The following SUMF1 variants were observed in gnomAD, a reference collection of about 807,000 sequenced individuals.
SUMF1 encodes sulfatase modifying factor 1, also known as formylglycine-generating enzyme.
A neutral mutation model predicts 47.6 loss-of-function variants in SUMF1; 48 were observed. The observed-to-expected ratio is 1.01, with a 90% CI of 0.80 to 1.28. The LOEUF (loss-of-function observed/expected upper bound fraction) is 1.28. SUMF1 is among the 50% of genes most tolerant of loss of function. SUMF1 has a pLI of 0.00. For missense variants in SUMF1, 571 were observed against 485.4 expected, an observed-to-expected ratio of 1.18 and a Z score of -1.66; for synonymous variants, 230 against 192.1, an observed-to-expected ratio of 1.20 and a Z score of -1.63.
chr3:4,257,277 A>C (rs1696976508), intron 8 of SUMF1, among the ~76,000 whole-genome samples: 2 of 135,166 alleles, frequency 1.5e-5, no homozygotes, highest in Non-Finnish European at 3.1e-5. Context: ...TAGGCAGGAG[A>C]AGGAAATAAA....
chr3:4,352,851 G>T (rs552359422), intron 8 of SUMF1, among the ~76,000 whole-genome samples: 1 of 152,154 alleles, frequency 6.6e-6, no homozygotes, highest in Non-Finnish European at 1.5e-5. Flanking sequence ...AAACAGGAAG[G>T]AAGTGCTTCT....
At chr3:4,142,233 AG>A (rs1694087504) in intron 8 of SUMF1, among the ~76,000 whole-genome samples, 1 of 151,592 alleles carries the variant, frequency 6.6e-6, no homozygotes, top group African/African-American at 2.4e-5. Context: ...TCACTGTTAA[AG>A]AAAAAAAAAT....
intron 8 of SUMF1, among the ~76,000 whole-genome samples, chr3:4,302,719 A>G (rs1698000415): frequency 6.6e-6 from 1 of 152,136 alleles, no homozygotes; most frequent in African/African-American, 2.4e-5. Context: ...AAGCAGGACA[A>G]TCATGTCAGA....
chr3:4,059,988 G>C (rs1316848042), intron 9 of SUMF1, among the ~76,000 whole-genome samples: 1 of 152,162 alleles, frequency 6.6e-6, no homozygotes, highest in Non-Finnish European at 1.5e-5. Flanking sequence ...CAGGAAGCCT[G>C]AGGGGCTACG....
intron 8 of SUMF1, among the ~76,000 whole-genome samples, chr3:4,141,839 G>A (rs763942508): frequency 1.6e-4 from 24 of 152,158 alleles, no homozygotes; most frequent in Non-Finnish European, 2.8e-4. Flanking sequence ...GAAACTATAC[G>A]TCTCCAGCAC....
chr3:4,277,101 C>T (rs1001895341), intron 8 of SUMF1, among the ~76,000 whole-genome samples: 1 of 152,118 alleles, frequency 6.6e-6, no homozygotes, highest in Non-Finnish European at 1.5e-5. Context: ...GCGGAACCTG[C>T]TTAATAAACT....
At chr3:4,194,257 T>G (rs547790944) in intron 8 of SUMF1, among the ~76,000 whole-genome samples, 63 of 152,218 alleles carry the variant, frequency 4.1e-4, no homozygotes, top group African/African-American at 1.3e-3. Context: ...AAATAGAGAA[T>G]GCAAGTGTAT....
chr3:4,405,776 A>G (rs1701356740), intron 7 of SUMF1, among the ~76,000 whole-genome samples: 1 of 152,234 alleles, frequency 6.6e-6, no homozygotes, highest in Non-Finnish European at 1.5e-5. Context: ...TCTATTAGAC[A>G]ATCAAATTCC....
At chr3:4,088,824 G>C (rs1692725589) in intron 8 of SUMF1, among the ~76,000 whole-genome samples, 1 of 152,074 alleles carries the variant, frequency 6.6e-6, no homozygotes. Flanking sequence ...GACTCAATAT[G>C]TGTAAGCTCT....
intron 8 of SUMF1, among the ~76,000 whole-genome samples, chr3:4,205,671 T>C (rs940233528): frequency 2.0e-5 from 3 of 152,178 alleles, no homozygotes; most frequent in African/African-American, 7.2e-5. Context: ...CACTGTGACT[T>C]TTGCCAACTC....
Position 4,056,230 on chromosome 3 carries a change from T to A in SUMF1, c.1191+12339A>T, listed in dbSNP as rs770341339. Reference sequence around the variant, plus strand: ...TATTCTGCCTAGCAGAGTTGTCTTCTGATCCCAAAAGATTCACACATGTCC... The same window carrying A: ...TATTCTGCCTAGCAGAGTTGTCTTCAGATCCCAAAAGATTCACACATGTCC... On this transcript the variant is annotated intron_variant and NMD_transcript_variant, in intron 9 of 12. Transcript: ENST00000448413. 5.9e-5 allele frequency among the ~76,000 whole-genome samples: 9 copies of A among 152,198 alleles called. 1 individual carries two copies. The highest frequency in any genetic ancestry group is 1.0e-4 in the Non-Finnish European group (7 of 68,032).
intron 8 of SUMF1, chr3:4,316,176 T>C (rs1421802517): frequency 1.6e-6 from 1 of 641,464 alleles, no homozygotes; most frequent in African/African-American, 1.8e-5. Flanking sequence ...GTTTTTTTGC[T>C]AATGACATCT....
intron 5 of SUMF1, 142 bp downstream of exon 5, chr3:4,417,868 A>C (rs1701764425): frequency 1.4e-6 from 2 of 1,467,188 alleles, no homozygotes; most frequent in Non-Finnish European, 1.9e-6. Context: ...GTGTCTTCTA[A>C]GTAATTTCGT....
Position 4,086,225 on chromosome 3 carries a change from A to C in SUMF1, c.1015-17480T>G, listed in dbSNP as rs188862117. Among the ~76,000 whole-genome samples, 305 of 152,178 alleles carry C rather than the reference A, an allele frequency of 2.0e-3. 7 individuals are homozygous for C. The highest frequency in any genetic ancestry group is 7.0e-3 in the African/African-American group (289 of 41,478). On this transcript the variant is annotated intron_variant and NMD_transcript_variant, in intron 8 of 12. Coordinates refer to the SUMF1 transcript ENST00000448413. Reference sequence around the variant, plus strand: ...ATACACTTAGAATCAGAAAAAAAAAAAAAACAGAATTATTGTCATTAAACT... The same window carrying C: ...ATACACTTAGAATCAGAAAAAAAAACAAAACAGAATTATTGTCATTAAACT...
At chr3:4,133,114 A>G (rs1693830705) in intron 8 of SUMF1, among the ~76,000 whole-genome samples, 1 of 152,188 alleles carries the variant, frequency 6.6e-6, no homozygotes, top group South Asian at 2.1e-4. Flanking sequence ...TGTAATTGTC[A>G]TGAGTACTTC....
chr3:4,328,776 C>T (rs1461813060), intron 8 of SUMF1, among the ~76,000 whole-genome samples: 1 of 152,162 alleles, frequency 6.6e-6, no homozygotes, highest in Non-Finnish European at 1.5e-5. Context: ...TTTAATCATT[C>T]CAGCATTAAC....
chr3:4,169,326 A>G (rs1031256264), intron 8 of SUMF1, among the ~76,000 whole-genome samples: 3 of 152,196 alleles, frequency 2.0e-5, no homozygotes, highest in African/African-American at 7.2e-5. Context: ...TGATCAAATT[A>G]AGATGAGGTC....
chr3:4,285,593 C>T (rs1697617495), intron 8 of SUMF1, among the ~76,000 whole-genome samples: 1 of 152,114 alleles, frequency 6.6e-6, no homozygotes, highest in African/African-American at 2.4e-5. Flanking sequence ...TTCTCTAGTA[C>T]TTAGTACTTT....
chr3:4,259,190 C>T (rs1697031107), intron 8 of SUMF1, among the ~76,000 whole-genome samples: 1 of 151,234 alleles, frequency 6.6e-6, no homozygotes, highest in African/African-American at 2.4e-5. Flanking sequence ...GTGCAGCGCA[C>T]CAGCATGGCA....
Sources: gnomAD v4.1 joint callset for allele counts (sites outside exome capture counted in the v4.1 genomes callset) on GRCh38, gnomAD v4.1.1 for gene constraint, MANE v1.5 for transcripts, NCBI Gene and HGNC (gene_info 2026-07-23, HGNC 2026-07-21) for gene names.